The following MAP3K4 variants were observed in gnomAD, a reference collection of about 807,000 sequenced individuals.
MAP3K4 encodes MAP three kinase 1.
A neutral mutation model predicts 185.6 loss-of-function variants in MAP3K4; 67 were observed. That is an observed-to-expected ratio of 0.36 (90% confidence interval 0.30 to 0.44). MAP3K4 has a LOEUF of 0.44. Among genes scored for constraint, MAP3K4 ranks in the 20% least tolerant of loss-of-function variants. The probability of loss-of-function intolerance (pLI) is 1.00; values close to 1 mark genes in which losing one functional copy is unlikely to be tolerated. For synonymous variants in MAP3K4, 702 were observed against 710.4 expected (o/e 0.99, Z 0.19); for missense variants, 1,551 against 1,995.1 (o/e 0.78, Z 4.24).
At position 161,114,826 on chromosome 6, in the gene MAP3K4, C is replaced by T; in HGVS notation, c.4627-297C>T. The stretch of plus-strand genomic sequence containing the variant: ...GATACTGTTGGACTAAATAGTGCAC[C>T]CCAAATGGAGTAGGCAAACTATGCT... On this transcript the variant is annotated intron_variant, in intron 25 of 26. Coordinates refer to ENST00000392142, the MANE Select transcript of MAP3K4 (RefSeq NM_005922.4). This position sits in a 1 kb window ranked among gnomAD's most constrained non-coding sequence, Gnocchi z 4.3. 6.6e-6 allele frequency among the ~76,000 whole-genome samples: 1 copy of T among 151,774 alleles called. No individual in the cohort carries two copies.
chr6:161,052,445 A>G (rs1784047611), intron 3 of MAP3K4, among the ~76,000 whole-genome samples: 1 of 152,188 alleles, frequency 6.6e-6, no homozygotes, highest in Non-Finnish European at 1.5e-5. Flanking sequence ...CAAAGTTTAT[A>G]AGGTATATAA....
chr6:161,026,959 A>G (rs1782703259), intron 1 of MAP3K4, among the ~76,000 whole-genome samples: 1 of 152,022 alleles, frequency 6.6e-6, no homozygotes, highest in Non-Finnish European at 1.5e-5. Flanking sequence ...TCGTCTCTTT[A>G]TATATATTTG....
intron 1 of MAP3K4, among the ~76,000 whole-genome samples, chr6:161,005,844 G>A (rs1448099705): frequency 2.0e-5 from 3 of 152,232 alleles, no homozygotes; most frequent in East Asian, 1.9e-4. Context: ...TTAGAGTGCA[G>A]TGGTGCAATC....
chr6:161,097,533 A>C lies in MAP3K4; in HGVS notation c.3524+357A>C, dbSNP rs1436365721. Among the ~76,000 whole-genome samples, 2 of 152,178 alleles carry C rather than the reference A, an allele frequency of 1.3e-5. No homozygotes were observed. The highest frequency in any genetic ancestry group is 2.9e-5 in the Non-Finnish European group (2 of 68,026). On this transcript the variant is annotated intron_variant, in intron 16 of 26. Coordinates refer to ENST00000392142, the MANE Select transcript of MAP3K4 (RefSeq NM_005922.4). This position sits in a 1 kb window ranked among gnomAD's most constrained non-coding sequence, Gnocchi z 4.9. ...GTAGTCAACATTTGAAAACATACTA[A>C]ATATCACTAAAAGTGGAGAAAAACT...
At chr6:161,026,580 A>G (rs774292034) in intron 1 of MAP3K4, among the ~76,000 whole-genome samples, 23 of 152,168 alleles carry the variant, frequency 1.5e-4, no homozygotes, top group Non-Finnish European at 1.9e-4. Context: ...GTAAAAAATA[A>G]AGCACCCCTG....
intron 1 of MAP3K4, among the ~76,000 whole-genome samples, chr6:161,011,609 G>A (rs1781845446): frequency 6.6e-6 from 1 of 152,214 alleles, no homozygotes; most frequent in Non-Finnish European, 1.5e-5. Flanking sequence ...CGTCATGAAA[G>A]TTCAACGCCA....
At chr6:161,021,381 G>T (rs1163772143) in intron 1 of MAP3K4, among the ~76,000 whole-genome samples, 1 of 152,184 alleles carries the variant, frequency 6.6e-6, no homozygotes, top group Non-Finnish European at 1.5e-5. Flanking sequence ...GGGTTGTCAT[G>T]GGCTCCTTTC....
In MAP3K4 at chr6:161,106,579, A is replaced by G; in HGVS notation, c.3922A>G (p.Arg1308Gly). Reference sequence around the variant, plus strand: ...GTCAGTCCGATTGTTTGAAGAAAAGAGGTACCGAGAAATGAGGAGAAAGAA... The same window carrying G: ...GTCAGTCCGATTGTTTGAAGAAAAGGGGTACCGAGAAATGAGGAGAAAGAA... ...QKSVRLFEEK[R>G]YREMRRKNII... The change falls in exon 20 of 27, where the codon AGG becomes GGG. Residue 1308 changes from arginine (R) to glycine (G), a missense_variant. Arg to Gly is a moderately radical substitution (Grantham distance 125). Coordinates refer to ENST00000392142, the MANE Select transcript of MAP3K4 (RefSeq NM_005922.4). The surrounding 1 kb of genome is among the most constrained non-coding windows in gnomAD (Gnocchi z 4.9). 6.2e-7 allele frequency: 1 copy of G among 1,614,046 alleles called. No individual in the cohort carries two copies. The highest frequency in any genetic ancestry group is 8.5e-7 in the Non-Finnish European group (1 of 1,179,936).
Position 161,108,939 on chromosome 6 carries a change from T to C in MAP3K4, c.4236+80T>C, listed in dbSNP as rs1778226205. 6.2e-7 allele frequency: 1 copy of C among 1,607,182 alleles called. No homozygotes were observed. The highest frequency in any genetic ancestry group is 1.3e-5 in the African/African-American group (1 of 74,796). On this transcript the variant is annotated intron_variant, in intron 22 of 26. Transcript: ENST00000392142. The surrounding 1 kb of genome is among the most constrained non-coding windows in gnomAD (Gnocchi z 5.7). ...GGAGTCCTGTTCTACATCACAGGTC[T>C]TCTCATTTCAGAGCACAGTAACTTT...
intron 3 of MAP3K4, among the ~76,000 whole-genome samples, chr6:161,062,273 A>G (rs911554144): frequency 5.9e-5 from 9 of 152,140 alleles, no homozygotes; most frequent in Non-Finnish European, 1.0e-4. Context: ...GTTATTTCAT[A>G]TGCCCTTTCT....
chr6:161,016,301 GCTGT>G (rs1192023420), intron 1 of MAP3K4, among the ~76,000 whole-genome samples: 6 of 151,938 alleles, frequency 3.9e-5, no homozygotes, highest in Non-Finnish European at 8.8e-5. Flanking sequence ...ATTTTTGTGG[GCTGT>G]CTTTTTTACT....
rs113798076 is a variant in MAP3K4, at chr6:161,111,966, C to T, written c.4519+8C>T. On this transcript the variant is annotated splice_region_variant and intron_variant, in intron 24 of 26. Coordinates refer to ENST00000392142, the MANE Select transcript of MAP3K4 (RefSeq NM_005922.4). ...GCACCCTGGGGACAGCAGGTAGGGA[C>T]CAGCCTGGTTGTTCTTTGCACTCTG... 1 of 1,613,520 alleles carries T rather than the reference C, an allele frequency of 6.2e-7. No homozygotes were observed. The highest frequency in any genetic ancestry group is 1.3e-5 in the African/African-American group (1 of 75,008).
At chr6:161,005,025 C>CT (rs1475068070) in intron 1 of MAP3K4, among the ~76,000 whole-genome samples, 4 of 152,162 alleles carry the variant, frequency 2.6e-5, no homozygotes, top group African/African-American at 4.8e-5. Flanking sequence ...AACCACCAAA[C>CT]TTATCCAGTC....
rs949680689 is a variant in MAP3K4, at chr6:161,053,119, G to T, written c.1707+3140G>T. Among the ~76,000 whole-genome samples, 1 of 152,206 alleles carries T rather than the reference G, an allele frequency of 6.6e-6. No individual in the cohort carries two copies. Among genetic ancestry groups the T allele is most frequent in the Admixed American group, 6.5e-5 (1 of 15,284 alleles). ...TCCCACAGATTGTATAGGAAGCATG[G>T]CAGGCAACATCAGCTTCTGGGGAGG... On this transcript the variant is annotated intron_variant, in intron 3 of 26. Transcript: ENST00000392142. This position sits in a 1 kb window ranked among gnomAD's most constrained non-coding sequence, Gnocchi z 4.2.
At chr6:161,006,847 C>T (rs1274543916) in intron 1 of MAP3K4, among the ~76,000 whole-genome samples, 6 of 151,820 alleles carry the variant, frequency 4.0e-5, no homozygotes, top group Middle Eastern at 3.2e-3. Context: ...TCTCCAGTCC[C>T]GAGATCTGCT....
In MAP3K4 at chr6:161,008,923, G is replaced by A. The variant is rs58040353; in HGVS notation, c.152+16840G>A. Among the ~76,000 whole-genome samples, 5,821 of 150,870 alleles carry A rather than the reference G, an allele frequency of 0.039. 151 individuals carry two copies. The highest frequency in any genetic ancestry group is 0.07 in the South Asian group (334 of 4,786). On this transcript the variant is annotated intron_variant, in intron 1 of 26. Transcript: ENST00000392142. The surrounding 1 kb of genome is among the most constrained non-coding windows in gnomAD (Gnocchi z 4.1). ...AAATGTGTAACATTTTGCTCAATGG[G>A]TATAATGTTTATACCCATTGTATAA...
At chr6:161,006,614 G>C (rs1040174809) in intron 1 of MAP3K4, among the ~76,000 whole-genome samples, 2 of 152,138 alleles carry the variant, frequency 1.3e-5, no homozygotes, top group Non-Finnish European at 2.9e-5. Context: ...AAGGATGGCT[G>C]TACTTATCTG....
In MAP3K4 at chr6:161,093,173, T is replaced by G; in HGVS notation, c.3348+117T>G. 1 of 659,532 alleles carries G rather than the reference T, an allele frequency of 1.5e-6. No individual in the cohort carries two copies. 40.9% of individuals were successfully genotyped at this position (659,532 alleles called of 1,614,324 possible). A position where few individuals can be genotyped will look rare whatever the true frequency, so the allele number is the denominator to read the frequency against. The stretch of plus-strand genomic sequence containing the variant: ...TTTTCATGAGATATTAATCTCAGCA[T>G]ATCATGTAATGATAATGCTGAGAAA... On this transcript the variant is annotated intron_variant, in intron 14 of 26. Transcript: ENST00000392142. The surrounding 1 kb of genome is among the most constrained non-coding windows in gnomAD (Gnocchi z 5.2).
intron 3 of MAP3K4, among the ~76,000 whole-genome samples, chr6:161,055,292 T>C (rs1195729855): frequency 6.6e-6 from 1 of 152,252 alleles, no homozygotes; most frequent in Non-Finnish European, 1.5e-5. Context: ...TTTGTAATAC[T>C]ATTTACAGTT....
Sources: allele counts gnomAD v4.1 joint callset (sites outside exome capture counted in the v4.1 genomes callset), GRCh38; gene constraint gnomAD v4.1.1; non-coding constraint Gnocchi (gnomAD v3.1); transcripts MANE v1.5; gene names NCBI Gene and HGNC (gene_info 2026-07-23, HGNC 2026-07-21).